Variants in DRC8 observed in about 807,000 individuals in gnomAD.
DRC8 encodes dynein regulatory complex protein 8.
At chr1:245,053,540 A>G in the DRC8 span, among the ~76,000 whole-genome samples, 1 of 152,208 alleles carries the variant, frequency 6.6e-6, no homozygotes, top group Non-Finnish European at 1.5e-5. Flanking sequence ...TAGGTGAGAT[A>G]TAGGTGGGCT....
the DRC8 span, among the ~76,000 whole-genome samples, chr1:245,118,795 AAAAAGAAAAGAAAAGAAAAG>A: frequency 8.7e-5 from 12 of 138,484 alleles, no homozygotes; most frequent in African/African-American, 1.8e-4. Flanking sequence ...GCCATCTCAA[AAAAAGAAAAGAAAAGAAAAG>A]AAAAGAAAAG....
chr1:244,977,339 A>G, the DRC8 span, among the ~76,000 whole-genome samples: 51 of 152,346 alleles, frequency 3.3e-4, no homozygotes, highest in East Asian at 8.7e-3. Flanking sequence ...ATTCAGAATG[A>G]AAGAAATGGT....
the DRC8 span, among the ~76,000 whole-genome samples, chr1:244,973,917 A>C: frequency 6.6e-6 from 1 of 152,178 alleles, no homozygotes; most frequent in Non-Finnish European, 1.5e-5. Context: ...TGTACGTTGA[A>C]GTTGTTATAC....
the DRC8 span, among the ~76,000 whole-genome samples, chr1:244,971,923 C>T: frequency 5.6e-3 from 821 of 147,090 alleles, 11 homozygotes; most frequent in African/African-American, 0.019. Context: ...TTAAAACTTT[C>T]CCAGAAAAAT....
the DRC8 span, among the ~76,000 whole-genome samples, chr1:245,068,030 C>A: frequency 0.45 from 68,344 of 151,838 alleles, 15,811 homozygotes; most frequent in African/African-American, 0.49. Context: ...CTTCGAGTAG[C>A]ATCAGGTAAA....
At chr1:245,109,026 G>A in the DRC8 span, among the ~76,000 whole-genome samples, 2 of 152,210 alleles carry the variant, frequency 1.3e-5, no homozygotes, top group African/African-American at 4.8e-5. Flanking sequence ...AGGGAAGGAA[G>A]ACAGGAAAGG....
At chr1:245,121,934 C>T in the DRC8 span, 36 of 417,074 alleles carry the variant, frequency 8.6e-5, no homozygotes, top group Admixed American at 2.3e-4. Context: ...AGTTTCGCTC[C>T]GTCGCCCAGG....
chr1:244,970,362 G>C, the DRC8 span: 14 of 1,531,006 alleles, frequency 9.1e-6, no homozygotes, highest in Admixed American at 2.2e-4. Flanking sequence ...AGCAGGCCGG[G>C]ACACCGCGGC....
chr1:245,055,345 G>A, the DRC8 span, among the ~76,000 whole-genome samples: 3 of 151,872 alleles, frequency 2.0e-5, no homozygotes, highest in Non-Finnish European at 2.9e-5. Flanking sequence ...TTAGAGACAC[G>A]ATCTCACTCT....
chr1:244,985,076 GTT>G, the DRC8 span, among the ~76,000 whole-genome samples: 3 of 130,806 alleles, frequency 2.3e-5, no homozygotes, highest in African/African-American at 6.2e-5. Flanking sequence ...TGTCTCCAGG[GTT>G]TTTTTTTTTT....
the DRC8 span, among the ~76,000 whole-genome samples, chr1:245,113,941 T>C: frequency 1.3e-5 from 2 of 152,332 alleles, no homozygotes; most frequent in African/African-American, 4.8e-5. Context: ...GTGTTTGTCA[T>C]TGTTGGGACA....
the DRC8 span, among the ~76,000 whole-genome samples, chr1:245,021,934 C>G: frequency 6.6e-6 from 1 of 152,096 alleles, no homozygotes; most frequent in Non-Finnish European, 1.5e-5. Context: ...CTCAGCCTCC[C>G]GAGCTGGGAC....
the DRC8 span, among the ~76,000 whole-genome samples, chr1:245,018,878 G>T: frequency 1.3e-5 from 2 of 152,124 alleles, no homozygotes; most frequent in Admixed American, 1.3e-4. Flanking sequence ...AAGGTAAATC[G>T]TTTGCTCCAT....
the DRC8 span, among the ~76,000 whole-genome samples, chr1:244,976,278 A>C: frequency 2.9e-5 from 4 of 137,808 alleles, no homozygotes; most frequent in African/African-American, 1.0e-4. Flanking sequence ...CAAAACAAAA[A>C]AACAAATAAA....
chr1:245,034,044 C>G, the DRC8 span, among the ~76,000 whole-genome samples: 1 of 152,238 alleles, frequency 6.6e-6, no homozygotes, highest in East Asian at 1.9e-4. Context: ...TCCAACACCT[C>G]TGACTCTTTT....
At chr1:245,114,483 T>G in the DRC8 span, among the ~76,000 whole-genome samples, 1 of 151,112 alleles carries the variant, frequency 6.6e-6, no homozygotes, top group Non-Finnish European at 1.5e-5. Context: ...AAAAAAATTG[T>G]CTTCCTAAGA....
the DRC8 span, among the ~76,000 whole-genome samples, chr1:245,016,980 G>A: frequency 6.6e-6 from 1 of 152,154 alleles, no homozygotes; most frequent in Non-Finnish European, 1.5e-5. Context: ...GAGTATATGC[G>A]TATGTAAACA....
the DRC8 span, among the ~76,000 whole-genome samples, chr1:244,974,495 C>A: frequency 6.6e-6 from 1 of 152,174 alleles, no homozygotes; most frequent in South Asian, 2.1e-4. Context: ...CAATTATCAC[C>A]TCCTAAATGG....
At chr1:244,970,077 G>A in the DRC8 span, 2 of 653,182 alleles carry the variant, frequency 3.1e-6, no homozygotes, top group Admixed American at 3.0e-5. Flanking sequence ...CCAAATGGAT[G>A]AGAAATAAGG....
Sources: allele counts gnomAD v4.1 joint callset (sites outside exome capture counted in the v4.1 genomes callset), GRCh38; gene constraint gnomAD v4.1.1; transcripts MANE v1.5; gene names NCBI Gene and HGNC (gene_info 2026-07-23, HGNC 2026-07-21).